Variants in AGBL2 observed in about 807,000 individuals in gnomAD.
The protein encoded by AGBL2 is AGBL carboxypeptidase 2.
A neutral mutation model predicts 103.0 loss-of-function variants in AGBL2; 87 were observed. The ratio of observed to expected loss-of-function variants is 0.84; its 90% confidence interval spans 0.71 to 1.01. The LOEUF (loss-of-function observed/expected upper bound fraction) is 1.01, where lower values mean the gene tolerates loss of function less well. Ranked by LOEUF, AGBL2 falls within the 50% of genes least tolerant of loss-of-function variation. The probability of loss-of-function intolerance (pLI) is 0.00; values close to 1 mark genes in which losing one functional copy is unlikely to be tolerated. For missense variants in AGBL2, 904 were observed against 1,023.5 expected (o/e 0.88, Z 1.59); for synonymous variants, 335 against 356.7 (o/e 0.94, Z 0.69).
chr11:47,700,312 C>T (rs755713850), intron 7 of AGBL2, among the ~76,000 whole-genome samples: 2 of 152,130 alleles, frequency 1.3e-5, no homozygotes, highest in East Asian at 3.9e-4. Context: ...GGTGCAGCGG[C>T]TTATGCCTGT....
At chr11:47,667,420 T>C (rs2097344131) in intron 16 of AGBL2, 151 bp downstream of exon 16, 2 of 977,542 alleles carry the variant, frequency 2.0e-6, no homozygotes, top group Admixed American at 2.5e-5. Flanking sequence ...GGAGGGCCCC[T>C]GGAAGGGTTC....
Position 47,705,651 on chromosome 11 carries a change from A to AAAG in AGBL2, c.287-18_287-17insCTT. 1.7e-6 allele frequency: 1 copy of AAAG among 586,126 alleles called. No individual in the cohort carries two copies. The allele number at this position is 586,126 out of a possible 1,614,324, so 36.3% of individuals were successfully genotyped here. Reference sequence around the variant, plus strand: ...AGTGAAAGTCTGTGTCAAAAAAAAAAAAAAAAGAAAAAGAAAAAGAAGAAA... The same window carrying AAAG: ...AGTGAAAGTCTGTGTCAAAAAAAAAAAAGAAAAAAGAAAAAGAAAAAGAAGAAA... On this transcript the variant is annotated splice_polypyrimidine_tract_variant and intron_variant, in intron 5 of 18. Coordinates refer to ENST00000525123, the MANE Select transcript of AGBL2 (RefSeq NM_024783.4).
rs982190085 is a variant in AGBL2 at position 47,705,605 on chromosome 11, A to T, written c.316T>A (p.Trp106Arg). 3.6e-5 allele frequency: 19 copies of T among 524,218 alleles called. No homozygotes were observed. Among genetic ancestry groups the T allele is most frequent in the Non-Finnish European group, 5.5e-5 (16 of 290,030 alleles). The allele number at this position is 524,218 out of a possible 1,614,324, so 32.5% of individuals were successfully genotyped here. ...GGTTGCAGTGAGCTGAGGCCGCGCC[A>T]CTGCATCCAGCCCAGGCAAGAGTGA... ...DFHSCLGWMQ[W>R]RGLSSLQPPP... is the part of the protein sequence containing the mutation. The change falls in exon 6 of 19, where the codon TGG becomes AGG. Residue 106 changes from tryptophan to arginine, a missense_variant. By Grantham distance (101) the Trp-to-Arg change is moderately radical. Coordinates refer to ENST00000525123, the MANE Select transcript of AGBL2 (RefSeq NM_024783.4).
At chr11:47,674,288 G>A (rs11039332) in intron 14 of AGBL2, among the ~76,000 whole-genome samples, 33,588 of 151,882 alleles carry the variant, frequency 0.22, 4,733 homozygotes, top group South Asian at 0.46. Context: ...TTGGCTGGGC[G>A]CGGTGGCTCA....
At chr11:47,713,010 C>G (rs2097539890) in intron 3 of AGBL2, among the ~76,000 whole-genome samples, 1 of 151,420 alleles carries the variant, frequency 6.6e-6, no homozygotes, top group African/African-American at 2.4e-5. Context: ...CCACTGCACT[C>G]CAGCCTGGGC....
At position 47,701,810 on chromosome 11, in the gene AGBL2, C is replaced by G. The variant is rs138962762; in HGVS notation, c.587-2257G>C. Among the ~76,000 whole-genome samples, 436 of 151,690 alleles carry G rather than the reference C, an allele frequency of 2.9e-3. 1 individual carries two copies. Among genetic ancestry groups the G allele is most frequent in the Non-Finnish European group, 4.8e-3 (327 of 67,872 alleles). ...CTACATGGTGAAACCCCGTCTCTACCAAAAATATAAAAAATGAGCAGAGTG... is the reference window on the plus strand; with the variant it reads ...CTACATGGTGAAACCCCGTCTCTACGAAAAATATAAAAAATGAGCAGAGTG... On this transcript the variant is annotated intron_variant, in intron 7 of 18. Transcript: ENST00000525123.
rs2097480215 is a variant in AGBL2 at position 47,697,537 on chromosome 11, CTACT to C, written c.694+1905_694+1908del. Among the ~76,000 whole-genome samples the C allele has an allele frequency of 3.1e-5, 4 of 131,054 alleles. No homozygotes were observed. In the Admixed American group the frequency reaches 3.5e-4, roughly 12 times the overall value. The allele number at this position is 131,054 out of a possible 152,430, so 86.0% of individuals were successfully genotyped here. On this transcript the variant is annotated intron_variant, in intron 8 of 18. Coordinates refer to ENST00000525123, the MANE Select transcript of AGBL2 (RefSeq NM_024783.4). ...ACAGGCGTGAGCCACCTCGCCAAGC[CTACT>C]TTTTTTTTTTTTTTTTTTTTTTGAG...
At chr11:47,681,108 T>C (rs888628550) in intron 12 of AGBL2, among the ~76,000 whole-genome samples, 11 of 151,836 alleles carry the variant, frequency 7.2e-5, no homozygotes, top group African/African-American at 2.7e-4. Context: ...GGCAGGAGGA[T>C]TGCTTGAGCC....
chr11:47,703,939 A>AC (rs1273757975), intron 7 of AGBL2, among the ~76,000 whole-genome samples: 3 of 137,606 alleles, frequency 2.2e-5, no homozygotes, highest in Non-Finnish European at 4.9e-5. Context: ...AAAAAAAAAA[A>AC]ACAAAAAAAA....
At chr11:47,683,103 GCT>G (rs1156528521) in intron 11 of AGBL2, among the ~76,000 whole-genome samples, 2 of 152,190 alleles carry the variant, frequency 1.3e-5, no homozygotes, top group African/African-American at 2.4e-5. Context: ...GGGTATGGTG[GCT>G]CATGCCTGTA....
rs1304995996 is a variant in AGBL2 at position 47,715,215 on chromosome 11, G to C, written c.-141C>G. ...ATGGATGCGACCGCCTTCGCGCCCCGGCCCGTCCCAAGCAGCACGGATGGC... is the reference window on the plus strand; with the variant it reads ...ATGGATGCGACCGCCTTCGCGCCCCCGCCCGTCCCAAGCAGCACGGATGGC... On this transcript the variant is annotated 5_prime_UTR_variant, in exon 1 of 19. Coordinates refer to ENST00000525123, the MANE Select transcript of AGBL2 (RefSeq NM_024783.4). The C allele has an allele frequency of 6.3e-6, 1 of 157,806 alleles. No homozygotes were observed. Among genetic ancestry groups the C allele is most frequent in the African/African-American group, 2.4e-5 (1 of 41,472 alleles). 9.8% of individuals were successfully genotyped at this position (157,806 alleles called of 1,614,324 possible). A position where few individuals can be genotyped will look rare whatever the true frequency, so the allele number is the denominator to read the frequency against.
intron 8 of AGBL2, among the ~76,000 whole-genome samples, chr11:47,694,810 C>A (rs1314071535): frequency 6.6e-6 from 1 of 152,188 alleles, no homozygotes; most frequent in Admixed American, 6.5e-5. Context: ...ATCCTCATGA[C>A]CTCTGCTAGG....
chr11:47,686,779 G>T (rs1452344642), intron 10 of AGBL2, among the ~76,000 whole-genome samples: 2 of 151,592 alleles, frequency 1.3e-5, no homozygotes, highest in African/African-American at 4.8e-5. Context: ...TGACCAACCT[G>T]GTGAACCCCA....
intron 10 of AGBL2, 24 bp from the exon 11 acceptor site, chr11:47,686,073 C>T (rs2097422483): frequency 1.2e-6 from 2 of 1,611,228 alleles, no homozygotes; most frequent in African/African-American, 2.7e-5. Flanking sequence ...AAACAAAGGA[C>T]TCAGTGGACA....
chr11:47,697,131 G>A (rs1217554872), intron 8 of AGBL2, among the ~76,000 whole-genome samples: 2 of 152,058 alleles, frequency 1.3e-5, no homozygotes, highest in Non-Finnish European at 2.9e-5. Context: ...GTTTCACCAT[G>A]TTGGTCAAGC....
chr11:47,672,809 G>A (rs2097361498), intron 14 of AGBL2, among the ~76,000 whole-genome samples: 1 of 152,140 alleles, frequency 6.6e-6, no homozygotes, highest in Non-Finnish European at 1.5e-5. Flanking sequence ...ATGTCAATGT[G>A]CCATAGAGTG....
chr11:47,697,004 C>T (rs550229621), intron 8 of AGBL2, among the ~76,000 whole-genome samples: 2 of 152,244 alleles, frequency 1.3e-5, no homozygotes, highest in South Asian at 2.1e-4. Context: ...TCTTGGCTCA[C>T]TGCAACCTCT....
chr11:47,702,573 GAC>G (rs2097503139), intron 7 of AGBL2, among the ~76,000 whole-genome samples: 1 of 152,082 alleles, frequency 6.6e-6, no homozygotes, highest in Admixed American at 6.6e-5. Flanking sequence ...AAAGCAGGGA[GAC>G]AGAAAATGAG....
At chr11:47,697,894 C>T (rs1465845617) in intron 8 of AGBL2, among the ~76,000 whole-genome samples, 1 of 148,300 alleles carries the variant, frequency 6.7e-6, no homozygotes, top group Non-Finnish European at 1.5e-5. Context: ...GAGTTTCACC[C>T]TTGTTGCCGA....
Sources: gnomAD v4.1 joint callset for allele counts (sites outside exome capture counted in the v4.1 genomes callset) on GRCh38, gnomAD v4.1.1 for gene constraint, MANE v1.5 for transcripts, NCBI Gene and HGNC (gene_info 2026-07-23, HGNC 2026-07-21) for gene names.